The following SMAD3 variants were observed in gnomAD, a reference collection of about 807,000 sequenced individuals.
SMAD3 encodes SMAD family member 3.
A neutral mutation model predicts 51.8 loss-of-function variants in SMAD3; 12 were observed. The ratio of observed to expected loss-of-function variants is 0.23; its 90% CI spans 0.15 to 0.38. The LOEUF (loss-of-function observed/expected upper bound fraction) is 0.38, where lower values mean the gene tolerates loss of function less well. Among genes scored for constraint, SMAD3 ranks in the 10% least tolerant of loss-of-function variants. SMAD3 has a pLI of 1.00. For synonymous variants in SMAD3, 238 were observed against 227.7 expected (o/e 1.05, Z -0.41); for missense variants, 294 against 565.6 (o/e 0.52, Z 4.87).
At chr15:67,164,760 C>T (rs1962528829) in intron 1 of SMAD3, 135 bp from the exon 2 acceptor site, 9 of 952,420 alleles carry the variant, frequency 9.4e-6, no homozygotes, top group Admixed American at 1.7e-5. Flanking sequence ...GTGCTCTGAT[C>T]TCCTGGACCT....
chr15:67,143,533 C>T (rs1961890274), intron 1 of SMAD3, among the ~76,000 whole-genome samples: 1 of 152,210 alleles, frequency 6.6e-6, no homozygotes, highest in Admixed American at 6.5e-5. Context: ...CTCCCAGGTT[C>T]AAGTGATTCT....
intron 1 of SMAD3, among the ~76,000 whole-genome samples, chr15:67,106,489 A>G (rs1960879819): frequency 6.6e-6 from 1 of 152,002 alleles, no homozygotes; most frequent in Non-Finnish European, 1.5e-5. Flanking sequence ...CTCTATCCCC[A>G]ATACACTCTC....
chr15:67,188,169 T>G (rs1343333284), intron 8 of SMAD3, among the ~76,000 whole-genome samples: 1 of 111,104 alleles, frequency 9.0e-6, no homozygotes, highest in Non-Finnish European at 2.0e-5. Flanking sequence ...TTTTTTTTTT[T>G]GAGATGGAGT....
At chr15:67,146,754 G>GGT (rs2140271899) in intron 1 of SMAD3, among the ~76,000 whole-genome samples, 1 of 152,260 alleles carries the variant, frequency 6.6e-6, no homozygotes, top group East Asian at 1.9e-4. Context: ...CAGACTTTAA[G>GGT]GTGTATGGGG....
chr15:67,182,736 A>G (rs537424693), intron 6 of SMAD3, among the ~76,000 whole-genome samples: 244 of 151,926 alleles, frequency 1.6e-3, no homozygotes, highest in African/African-American at 5.3e-3. Context: ...CCTCATTGTC[A>G]GTGACAGACA....
chr15:67,084,358 G>A (rs1191980254), intron 1 of SMAD3, among the ~76,000 whole-genome samples: 1 of 151,922 alleles, frequency 6.6e-6, no homozygotes, highest in Non-Finnish European at 1.5e-5. Flanking sequence ...TGGGATTACA[G>A]GCATGAGCCA....
At chr15:67,166,907 TCA>T in intron 4 of SMAD3, 54 bp downstream of exon 4, 1 of 1,396,392 alleles carries the variant, frequency 7.2e-7, no homozygotes, top group African/African-American at 1.4e-5. Context: ...GCTGGTGGGT[TCA>T]TCCCTTCCAT....
At chr15:67,106,949 T>G (rs1960892169) in intron 1 of SMAD3, among the ~76,000 whole-genome samples, 1 of 152,092 alleles carries the variant, frequency 6.6e-6, no homozygotes, top group Admixed American at 6.5e-5. Flanking sequence ...CCCCAGTGGT[T>G]TAAAACTCTG....
intron 6 of SMAD3, among the ~76,000 whole-genome samples, chr15:67,183,000 A>AAAAATAT (rs61323717): frequency 2.3e-5 from 1 of 43,644 alleles, no homozygotes; most frequent in Non-Finnish European, 3.6e-5. Context: ...AAAAAAAAAA[A>AAAAATAT]ATATATATAT....
rs759877290 is a variant in SMAD3, at chr15:67,191,416, G to A, written c.*880G>A. The A allele has an allele frequency of 3.4e-5, 8 of 233,386 alleles. No individual in the cohort carries two copies. The South Asian group carries it at 7.2e-4, about 21-fold the overall frequency. 14.5% of individuals were successfully genotyped at this position (233,386 alleles called of 1,614,324 possible). Reference sequence around the variant, plus strand: ...TCTCAGGCAGCACCACACTGGGTGCGTCTCCAGTCATCTGTAAGAGCTTGC... The same window carrying A: ...TCTCAGGCAGCACCACACTGGGTGCATCTCCAGTCATCTGTAAGAGCTTGC... On this transcript the variant is annotated 3_prime_UTR_variant, in exon 9 of 9. Coordinates refer to ENST00000327367, the MANE Select transcript of SMAD3 (RefSeq NM_005902.4).
At chr15:67,166,730 G>A in intron 3 of SMAD3, 49 bp from the exon 4 acceptor site, 1 of 1,313,624 alleles carries the variant, frequency 7.6e-7, no homozygotes, top group South Asian at 1.3e-5. Context: ...GTGTCTCAGA[G>A]CCAAGCTGTG....
At chr15:67,188,028 G>A (rs900981720) in intron 8 of SMAD3, among the ~76,000 whole-genome samples, 9 of 152,094 alleles carry the variant, frequency 5.9e-5, no homozygotes, top group Non-Finnish European at 1.2e-4. Flanking sequence ...AGGAGCCCAG[G>A]ATATTAAAAC....
chr15:67,192,739 T>C lies in SMAD3; in HGVS notation c.*2203T>C. Reference sequence around the variant, plus strand: ...CTGGTGATCCAGTGATCTATGGAAGTCGTGTCTTACTCCAGGTGAAGGGGG... The same window carrying C: ...CTGGTGATCCAGTGATCTATGGAAGCCGTGTCTTACTCCAGGTGAAGGGGG... On this transcript the variant is annotated 3_prime_UTR_variant, in exon 9 of 9. Coordinates refer to ENST00000327367, the MANE Select transcript of SMAD3 (RefSeq NM_005902.4). 4.3e-6 allele frequency: 1 copy of C among 233,212 alleles called. No individual in the cohort carries two copies. The highest frequency in any genetic ancestry group is 8.5e-6 in the Non-Finnish European group (1 of 117,960). 14.4% of individuals were successfully genotyped at this position (233,212 alleles called of 1,614,324 possible).
chr15:67,066,380 G>A lies in SMAD3; in HGVS notation c.206+20G>A, dbSNP rs1407747749. 1 of 1,601,230 alleles carries A rather than the reference G, an allele frequency of 6.2e-7. No homozygotes were observed. The highest frequency in any genetic ancestry group is 1.7e-5 in the Admixed American group (1 of 59,650). On this transcript the variant is annotated intron_variant, in intron 1 of 8. Coordinates refer to ENST00000327367, the MANE Select transcript of SMAD3 (RefSeq NM_005902.4). Reference sequence around the variant, plus strand: ...CCCCAGGTGGGGGCCCGCCCGGGGGGGACCCGGGGTCACGCCGGCCCAGCC... The same window carrying A: ...CCCCAGGTGGGGGCCCGCCCGGGGGAGACCCGGGGTCACGCCGGCCCAGCC...
chr15:67,126,810 C>G (rs1200775740), intron 1 of SMAD3, among the ~76,000 whole-genome samples: 1 of 152,138 alleles, frequency 6.6e-6, no homozygotes, highest in Non-Finnish European at 1.5e-5. Context: ...GTTCAAGCAT[C>G]CCTTTGGTGT....
At chr15:67,168,806 TG>T (rs1250738892) in intron 4 of SMAD3, among the ~76,000 whole-genome samples, 1 of 152,048 alleles carries the variant, frequency 6.6e-6, no homozygotes, top group African/African-American at 2.4e-5. Context: ...AGTGTGTGGG[TG>T]GGGGCTCTCC....
At position 67,190,834 on chromosome 15, in the gene SMAD3, T is replaced by TC. The variant is rs1963343137; in HGVS notation, c.*304dup. ...AGGTAGTATTACACCACCGGCCCCC[T>TC]CCCCCCAGACTCTTTTTTTGAGTGA... On this transcript the variant is annotated 3_prime_UTR_variant, in exon 9 of 9. Transcript: ENST00000327367. 1.1e-5 allele frequency: 5 copies of TC among 446,428 alleles called. No homozygotes were observed. Among genetic ancestry groups the TC allele is most frequent in the Non-Finnish European group, 2.1e-5 (5 of 243,122 alleles). 27.7% of individuals were successfully genotyped at this position (446,428 alleles called of 1,614,324 possible). A position where few individuals can be genotyped will look rare whatever the true frequency, so the allele number is the denominator to read the frequency against.
chr15:67,155,796 G>A (rs982726879), intron 1 of SMAD3, among the ~76,000 whole-genome samples: 1 of 152,098 alleles, frequency 6.6e-6, no homozygotes, highest in African/African-American at 2.4e-5. Context: ...GACCAGCCTG[G>A]CCAACACGGT....
At chr15:67,068,913 T>C (rs1324837358) in intron 1 of SMAD3, among the ~76,000 whole-genome samples, 7 of 152,196 alleles carry the variant, frequency 4.6e-5, no homozygotes, top group Non-Finnish European at 4.4e-5. Flanking sequence ...CACAACTGCC[T>C]TTTAGTTTGG....
Sources: allele counts gnomAD v4.1 joint callset (sites outside exome capture counted in the v4.1 genomes callset), GRCh38; gene constraint gnomAD v4.1.1; transcripts MANE v1.5; gene names NCBI Gene and HGNC (gene_info 2026-07-23, HGNC 2026-07-21).